UNC79: variants seen among roughly 807,000 people sequenced by gnomAD.
The protein encoded by UNC79 is protein unc-79 homolog.
In UNC79, 37 loss-of-function variants were observed where a neutral mutation model predicts 283.1. The ratio of observed to expected loss-of-function variants is 0.13; its 90% CI spans 0.10 to 0.17. The LOEUF (loss-of-function observed/expected upper bound fraction) is 0.17, where lower values mean the gene tolerates loss of function less well. Ranked by LOEUF, UNC79 falls within the 10% of genes least tolerant of loss-of-function variation. The pLI is 1.00. For synonymous variants in UNC79, 1,107 were observed against 1,200.2 expected, an observed-to-expected ratio of 0.92 and a Z score of 1.61; for missense variants, 2,272 against 3,211.1, an observed-to-expected ratio of 0.71 and a Z score of 7.07.
chr14:93,509,945 C>A (rs763638349), intron 7 of UNC79, among the ~76,000 whole-genome samples: 1 of 152,220 alleles, frequency 6.6e-6, no homozygotes, highest in Non-Finnish European at 1.5e-5. Context: ...ATCCCTGCAG[C>A]AGACTTCTGC....
chr14:93,574,995 T>A, intron 16 of UNC79, 63 bp from the exon 17 acceptor site: 1 of 1,549,774 alleles, frequency 6.5e-7, no homozygotes, highest in Non-Finnish European at 8.7e-7. Context: ...AGGTTAAATA[T>A]AGCTTTTTTG....
At chr14:93,418,552 C>G (rs1216959067) in intron 1 of UNC79, among the ~76,000 whole-genome samples, 1 of 151,836 alleles carries the variant, frequency 6.6e-6, no homozygotes, top group Non-Finnish European at 1.5e-5. Flanking sequence ...CTCTTCAAAG[C>G]TGTCAGACAG....
chr14:93,580,966 C>G (rs1223702893), intron 19 of UNC79, among the ~76,000 whole-genome samples: 1 of 152,052 alleles, frequency 6.6e-6, no homozygotes, highest in African/African-American at 2.4e-5. Flanking sequence ...TCCTCAACCT[C>G]CCAAAGTGCT....
chr14:93,555,358 G>A (rs1466479284), intron 14 of UNC79, among the ~76,000 whole-genome samples: 1 of 152,050 alleles, frequency 6.6e-6, no homozygotes, highest in African/African-American at 2.4e-5. Context: ...AGATCTGGTA[G>A]AGTTATAAGA....
Position 93,496,477 on chromosome 14 carries a change from G to A in UNC79, c.768+11G>A. 6.5e-7 allele frequency: 1 copy of A among 1,532,544 alleles called. No individual in the cohort carries two copies. The highest frequency in any genetic ancestry group is 1.4e-5 in the African/African-American group (1 of 70,456). The allele number at this position is 1,532,544 out of a possible 1,614,324, so 94.9% of individuals were successfully genotyped here. ...CAAGAAGTCTGGAAAGTAAGTTTTG[G>A]GTCAAATTTAACCCATAGTCACAAA... is the stretch of plus-strand genomic sequence containing the variant. On this transcript the variant is annotated intron_variant, in intron 6 of 48. Transcript: ENST00000555664.
At chr14:93,653,163 G>A (rs891336872) in intron 35 of UNC79, among the ~76,000 whole-genome samples, 4 of 152,046 alleles carry the variant, frequency 2.6e-5, no homozygotes, top group African/African-American at 7.2e-5. Flanking sequence ...AAGGGGCAGG[G>A]CCTCATAAAT....
At chr14:93,673,142 A>G (rs1364952440) in intron 40 of UNC79, among the ~76,000 whole-genome samples, 3 of 152,166 alleles carry the variant, frequency 2.0e-5, no homozygotes, top group Admixed American at 6.5e-5. Flanking sequence ...CCATTAAATT[A>G]TTTGTCCTCA....
chr14:93,702,245 T>C (rs1169112524), intron 47 of UNC79, among the ~76,000 whole-genome samples: 1 of 152,096 alleles, frequency 6.6e-6, no homozygotes, highest in African/African-American at 2.4e-5. Flanking sequence ...ATCTTTGTAA[T>C]CCCACCGTTT....
At chr14:93,595,511 AT>A (rs1469389682) in intron 23 of UNC79, among the ~76,000 whole-genome samples, 4 of 152,142 alleles carry the variant, frequency 2.6e-5, no homozygotes, top group African/African-American at 9.7e-5. Context: ...AGGCAGCCTC[AT>A]TTCCTGCGCT....
chr14:93,574,844 A>C (rs148883100), intron 16 of UNC79, among the ~76,000 whole-genome samples: 23 of 149,308 alleles, frequency 1.5e-4, no homozygotes, highest in African/African-American at 5.4e-4. Context: ...ATGGTGACCT[A>C]TTGGATGCTG....
chr14:93,415,849 G>A (rs1404846849), intron 1 of UNC79, among the ~76,000 whole-genome samples: 1 of 151,866 alleles, frequency 6.6e-6, no homozygotes, highest in African/African-American at 2.4e-5. Context: ...TTGTATTTCT[G>A]TGGGATCAGT....
At chr14:93,381,566 G>A (rs1302813046) in intron 1 of UNC79, among the ~76,000 whole-genome samples, 1 of 152,206 alleles carries the variant, frequency 6.6e-6, no homozygotes, top group Non-Finnish European at 1.5e-5. Flanking sequence ...GGCCAGATGA[G>A]GGCTTCTGGA....
intron 1 of UNC79, among the ~76,000 whole-genome samples, chr14:93,443,141 T>G (rs1186459671): frequency 6.6e-6 from 1 of 151,862 alleles, no homozygotes; most frequent in South Asian, 2.1e-4. Context: ...GGAGAATCGC[T>G]TGAGCCTAGG....
chr14:93,704,526 G>GA, intron 47 of UNC79, 99 bp from the exon 51 acceptor site: 1 of 1,388,320 alleles, frequency 7.2e-7, no homozygotes, highest in East Asian at 2.3e-5. Context: ...TGCGCGACGT[G>GA]AAAGGGATTC....
intron 14 of UNC79, among the ~76,000 whole-genome samples, chr14:93,563,161 A>G (rs566176991): frequency 6.6e-6 from 1 of 152,252 alleles, no homozygotes; most frequent in East Asian, 1.9e-4. Context: ...GAAGAGATTG[A>G]TAGGTGGAAG....
rs896492812 is a variant in UNC79 at position 93,561,927 on chromosome 14, G to T, written c.1756-9967G>T. 2.0e-5 allele frequency among the ~76,000 whole-genome samples: 3 copies of T among 152,288 alleles called. No homozygotes were observed. In the South Asian group the frequency reaches 6.2e-4, roughly 32 times the overall value. On this transcript the variant is annotated intron_variant, in intron 14 of 48. Transcript: ENST00000555664. ...AGCAGGGATGACCAGTTTTTGGGGC[G>T]CAGTCCAAGTAGTGGGGGTGACTGC...
At chr14:93,394,856 C>CA (rs749274367) in intron 1 of UNC79, among the ~76,000 whole-genome samples, 1 of 152,152 alleles carries the variant, frequency 6.6e-6, no homozygotes, top group Non-Finnish European at 1.5e-5. Context: ...GGACTGCAGG[C>CA]ATGTGCCACC....
At position 93,532,711 on chromosome 14, in the gene UNC79, A is replaced by C. The variant is rs1197571646; in HGVS notation, c.1122+133A>C. On this transcript the variant is annotated intron_variant, in intron 11 of 48. Coordinates refer to ENST00000555664, the Ensembl canonical transcript of UNC79. ...TGCCATTGTATTTGTGGAGGGGTAA[A>C]GGAAATAATTTAGCATGCAAGATTG... is the stretch of plus-strand genomic sequence containing the variant. 3 of 1,069,484 alleles carry C rather than the reference A, an allele frequency of 2.8e-6. No individual in the cohort carries two copies. In the East Asian group the frequency reaches 7.7e-5, roughly 28 times the overall value. The allele number at this position is 1,069,484 out of a possible 1,614,324, so 66.2% of individuals were successfully genotyped here. A position where few individuals can be genotyped will look rare whatever the true frequency, so the allele number is the denominator to read the frequency against.
chr14:93,635,319 T>C (rs2068416603), intron 31 of UNC79, among the ~76,000 whole-genome samples: 1 of 152,190 alleles, frequency 6.6e-6, no homozygotes, highest in African/African-American at 2.4e-5. Context: ...CCTTTTCTGT[T>C]TTTTTTCTTC....
Sources: allele counts gnomAD v4.1 joint callset (sites outside exome capture counted in the v4.1 genomes callset), GRCh38; gene constraint gnomAD v4.1.1; transcripts MANE v1.5; gene names NCBI Gene and HGNC (gene_info 2026-07-23, HGNC 2026-07-21).